The following IREB2 variants were observed in gnomAD, a reference collection of about 807,000 sequenced individuals.
The protein encoded by IREB2 is iron responsive element binding protein 2.
In IREB2, 39 loss-of-function variants were observed where a neutral mutation model predicts 118.8. That is an observed-to-expected ratio of 0.33 (90% CI 0.25 to 0.43). IREB2 has a LOEUF of 0.43. Ranked by LOEUF, IREB2 falls within the 20% of genes least tolerant of loss-of-function variation. The pLI, the probability that IREB2 is intolerant of heterozygous loss-of-function variation, is 1.00. For missense variants in IREB2, 900 were observed against 1,147.3 expected, an observed-to-expected ratio of 0.78 and a Z score of 3.11; for synonymous variants, 372 against 392.2, an observed-to-expected ratio of 0.95 and a Z score of 0.61.
At position 78,490,495 on chromosome 15, in the gene IREB2, A is replaced by G; in HGVS notation, c.2150A>G (p.Tyr717Cys). The change falls in exon 17 of 22, where the codon TAT becomes TGT. Residue 717 changes from tyrosine (Y) to cysteine (C), a missense_variant. Physicochemically the swap from Tyr to Cys is radical, Grantham distance 194. Coordinates refer to ENST00000258886, the MANE Select transcript of IREB2 (RefSeq NM_004136.4). The part of the protein sequence containing the change: ...VLFPWDLKST[Y>C]IRCPSFFDKL... ...TTTCCATGGGACTTAAAGTCTACTTATATCAGATGCCCTTCATTTTTTGAT... is the reference window on the plus strand; with the variant it reads ...TTTCCATGGGACTTAAAGTCTACTTGTATCAGATGCCCTTCATTTTTTGAT... 1 of 1,607,966 alleles carries G rather than the reference A, an allele frequency of 6.2e-7. No individual in the cohort carries two copies. Among genetic ancestry groups the G allele is most frequent in the Non-Finnish European group, 8.5e-7 (1 of 1,178,160 alleles).
At chr15:78,494,392 T>A in intron 20 of IREB2, 128 bp downstream of exon 20, 1 of 869,416 alleles carries the variant, frequency 1.2e-6, no homozygotes, top group Non-Finnish European at 1.8e-6. Context: ...TATAGAGGGT[T>A]TTGTTTGTTT....
chr15:78,441,039 A>G (rs1039943564), intron 2 of IREB2, among the ~76,000 whole-genome samples: 1 of 152,236 alleles, frequency 6.6e-6, no homozygotes, highest in Admixed American at 6.5e-5. Flanking sequence ...TGTTGCAGTC[A>G]GTTTTGGAAG....
intron 7 of IREB2, 68 bp from the exon 8 acceptor site, chr15:78,473,174 T>G (rs2051408120): frequency 6.9e-7 from 1 of 1,443,186 alleles, no homozygotes; most frequent in East Asian, 2.3e-5. Context: ...CACCTAGAGA[T>G]TCAGATGTTA....
At chr15:78,490,239 T>C (rs868056748) in intron 16 of IREB2, among the ~76,000 whole-genome samples, 183 bp from the exon 17 acceptor site, 1 of 152,304 alleles carries the variant, frequency 6.6e-6, no homozygotes. Flanking sequence ...AATAAAAATT[T>C]AAAATTTTTT....
At chr15:78,468,393 A>G (rs1370001076) in intron 5 of IREB2, among the ~76,000 whole-genome samples, 3 of 151,692 alleles carry the variant, frequency 2.0e-5, no homozygotes, top group Admixed American at 2.0e-4. Context: ...ACAGGCACAC[A>G]CTGTCAGGCC....
At chr15:78,497,460 T>G in intron 21 of IREB2, 149 bp downstream of exon 21, 1 of 638,438 alleles carries the variant, frequency 1.6e-6, no homozygotes, top group Non-Finnish European at 2.7e-6. Context: ...TACTTAGATC[T>G]AGCTATGTTA....
intron 4 of IREB2, among the ~76,000 whole-genome samples, 191 bp downstream of exon 4, chr15:78,465,579 T>C (rs1486462311): frequency 6.6e-6 from 1 of 152,212 alleles, no homozygotes; most frequent in East Asian, 1.9e-4. Flanking sequence ...TTCTTGTATT[T>C]CTGCTGCCGT....
rs542594363 is a variant in IREB2, at chr15:78,483,359, T to C, written c.1338T>C (p.Ser446=). ...TGAATTCAATAGTTCCATCTGTTAG[T>C]GGTCCAAAAAGACCTCAGGATAGAG... ...INLNSIVPSV[S]GPKRPQDRVA... is the part of the protein sequence containing the mutation. The change falls in exon 11 of 22, where the codon AGT becomes AGC. Residue 446 remains serine, a synonymous_variant. Coordinates refer to ENST00000258886, the MANE Select transcript of IREB2 (RefSeq NM_004136.4). 1.2e-4 allele frequency: 200 copies of C among 1,603,610 alleles called. 4 individuals are homozygous for C. In the South Asian group the frequency reaches 2.0e-3, roughly 16 times the overall value.
intron 18 of IREB2, 36 bp from the exon 19 acceptor site, chr15:78,493,873 A>C: frequency 1.9e-6 from 3 of 1,586,880 alleles, no homozygotes; most frequent in Non-Finnish European, 2.6e-6. Context: ...TATTTTCCAC[A>C]TGTAATGAAA....
intron 11 of IREB2, 40 bp from the exon 12 acceptor site, chr15:78,484,721 C>T: frequency 6.9e-7 from 1 of 1,453,408 alleles, no homozygotes; most frequent in Non-Finnish European, 9.6e-7. Context: ...CTGTACATAC[C>T]CAGAATATTT....
chr15:78,439,847 G>T lies in IREB2; in HGVS notation c.72G>T (p.Lys24Asn). 1 of 1,601,618 alleles carries T rather than the reference G, an allele frequency of 6.2e-7. No individual in the cohort carries two copies. Residue 24 changes from lysine (K) to asparagine (N), a missense_variant, in exon 2 of 22, where the codon AAG becomes AAT. By Grantham distance (94) the Lys-to-Asn change is moderately conservative. Coordinates refer to ENST00000258886, the MANE Select transcript of IREB2 (RefSeq NM_004136.4). ...IETLNDSSHKKFFDVSKLGTK... is the reference protein window; with the variant it reads ...IETLNDSSHKNFFDVSKLGTK... ...CATTAAATGACAGTTCACATAAGAA[G>T]TTCTTCGATGTATCTAAACTTGGCA... is the stretch of plus-strand genomic sequence containing the variant.
Position 78,494,145 on chromosome 15 carries a change from G to C in IREB2, c.2476G>C (p.Asp826His). The change falls in exon 20 of 22, where the codon GAT becomes CAT. Residue 826 changes from aspartate to histidine, a missense_variant. By Grantham distance (81) the Asp-to-His change is moderately conservative. Coordinates refer to ENST00000258886, the MANE Select transcript of IREB2 (RefSeq NM_004136.4). Reference protein sequence around the residue: ...TIHFPSGQTLDVFEAAELYQK... With the variant: ...TIHFPSGQTLHVFEAAELYQK... The stretch of plus-strand genomic sequence containing the variant: ...TTGTGTTTGTTTTAATCTACAGCTA[G>C]ATGTATTTGAGGCTGCAGAGCTGTA... 1.2e-6 allele frequency: 2 copies of C among 1,613,640 alleles called. No individual in the cohort carries two copies. Among genetic ancestry groups the C allele is most frequent in the Non-Finnish European group, 1.7e-6 (2 of 1,179,840 alleles).
At chr15:78,467,322 G>A (rs1456317584) in intron 5 of IREB2, among the ~76,000 whole-genome samples, 1 of 152,018 alleles carries the variant, frequency 6.6e-6, no homozygotes, top group South Asian at 2.1e-4. Flanking sequence ...ATGGAAAGTA[G>A]TAAACATGCC....
intron 2 of IREB2, among the ~76,000 whole-genome samples, chr15:78,443,924 G>T (rs2050885771): frequency 6.6e-6 from 1 of 152,074 alleles, no homozygotes; most frequent in Non-Finnish European, 1.5e-5. Flanking sequence ...GGGATTATAG[G>T]CGTGAACCAC....
intron 4 of IREB2, 137 bp from the exon 5 acceptor site, chr15:78,466,134 C>T: frequency 4.0e-6 from 2 of 505,638 alleles, no homozygotes; most frequent in Non-Finnish European, 7.0e-6. Context: ...CCTTTGAAAC[C>T]TGAGTTAAAT....
chr15:78,460,731 T>C (rs2063181809), intron 2 of IREB2, among the ~76,000 whole-genome samples: 1 of 152,292 alleles, frequency 6.6e-6, no homozygotes, highest in South Asian at 2.1e-4. Flanking sequence ...AGCTAGAAAA[T>C]ACCTAATTTT....
chr15:78,477,629 C>T (rs148182149), intron 9 of IREB2, among the ~76,000 whole-genome samples: 82 of 152,264 alleles, frequency 5.4e-4, no homozygotes, highest in Admixed American at 1.1e-3. Context: ...TTTCAAAATT[C>T]CTTACTGAGG....
At chr15:78,446,907 T>C (rs1225013818) in intron 2 of IREB2, among the ~76,000 whole-genome samples, 1 of 151,936 alleles carries the variant, frequency 6.6e-6, no homozygotes, top group East Asian at 1.9e-4. Context: ...ATGAGAAGAA[T>C]ATGTGTTTCT....
At chr15:78,483,518 A>G (rs2051610641) in intron 11 of IREB2, 84 bp downstream of exon 11, 2 of 752,716 alleles carry the variant, frequency 2.7e-6, no homozygotes, top group Admixed American at 1.9e-5. Flanking sequence ...CATAAACTCA[A>G]TTCACTGCTA....
Sources: gnomAD v4.1 joint callset for allele counts (sites outside exome capture counted in the v4.1 genomes callset) on GRCh38, gnomAD v4.1.1 for gene constraint, MANE v1.5 for transcripts, NCBI Gene and HGNC (gene_info 2026-07-23, HGNC 2026-07-21) for gene names.